The following CASK variants were observed in gnomAD, a reference collection of about 807,000 sequenced individuals.
CASK encodes the protein calcium/calmodulin dependent serine protein kinase.
Under a neutral mutation model 82.9 loss-of-function variants are expected in CASK, and 4 were observed. That is an observed-to-expected ratio of 0.05 (90% confidence interval 0.02 to 0.11). The LOEUF is 0.11. Ranked by LOEUF, CASK falls within the 10% of genes least tolerant of loss-of-function variation. CASK has a pLI of 1.00. For synonymous variants in CASK, 259 were observed against 253.5 expected (o/e 1.02, Z -0.20); for missense variants, 358 against 720.9 (o/e 0.50, Z 5.76).
intron 5 of CASK, among the ~76,000 whole-genome samples, chrX:41,719,714 G>A (rs1216437199): frequency 1.8e-5 from 2 of 111,770 alleles, no homozygotes; most frequent in African/African-American, 3.3e-5. Flanking sequence ...ACGGGACCTC[G>A]CATTCTGTAT....
chrX:41,754,489 G>A (rs2068854745), intron 3 of CASK, among the ~76,000 whole-genome samples: 1 of 111,919 alleles, frequency 8.9e-6, no homozygotes, highest in Non-Finnish European at 1.9e-5. Context: ...AAAGAAATTA[G>A]ATGAAAGGAA....
intron 22 of CASK, among the ~76,000 whole-genome samples, chrX:41,538,684 C>T (rs2064908374): frequency 8.9e-6 from 1 of 112,223 alleles, no homozygotes; most frequent in Non-Finnish European, 1.9e-5. Flanking sequence ...CCAGACACTT[C>T]TTTTAAGTAT....
rs1029992488 is a variant in CASK, at chrX:41,676,359, C to T, written c.430-4829G>A. 6.7e-6 allele frequency: 8 copies of T among 1,197,860 alleles called. No homozygotes were observed. The African/African-American group carries it at 1.0e-4, about 16-fold the overall frequency. The stretch of plus-strand genomic sequence containing the variant: ...GCTCCTAAAACATTTTTATAAGCAA[C>T]TGAGAGAAGATTCCTCTCCTCATTG... On this transcript the variant is annotated intron_variant, in intron 5 of 26. Coordinates refer to ENST00000378163, the MANE Select transcript of CASK (RefSeq NM_001367721.1).
At chrX:41,862,261 C>T (rs867710064) in intron 1 of CASK, among the ~76,000 whole-genome samples, 3 of 110,509 alleles carry the variant, frequency 2.7e-5, no homozygotes, top group African/African-American at 9.9e-5. Context: ...TGGGCCCTGG[C>T]AGGGTGCAGT....
chrX:41,684,092 T>C (rs2067405281), intron 5 of CASK, among the ~76,000 whole-genome samples: 1 of 112,245 alleles, frequency 8.9e-6, no homozygotes, highest in South Asian at 3.7e-4. Context: ...CAGTTTTCAT[T>C]ATCGTAACTG....
intron 12 of CASK, among the ~76,000 whole-genome samples, chrX:41,594,017 T>C (rs1194352429): frequency 8.9e-6 from 1 of 111,739 alleles, no homozygotes. Context: ...CTTGTCTTTC[T>C]TACCCTTTAC....
At chrX:41,553,094 A>G (rs1337544785) in intron 21 of CASK, among the ~76,000 whole-genome samples, 1 of 112,410 alleles carries the variant, frequency 8.9e-6, no homozygotes, top group African/African-American at 3.2e-5. Context: ...AATAGCAGAA[A>G]TAGATTTTAT....
At chrX:41,765,769 GTGAA>G (rs1443500461) in intron 3 of CASK, among the ~76,000 whole-genome samples, 1 of 111,846 alleles carries the variant, frequency 8.9e-6, no homozygotes, top group Non-Finnish European at 1.9e-5. Flanking sequence ...GGGCAAGAAA[GTGAA>G]TGGGGACAGG....
intron 1 of CASK, among the ~76,000 whole-genome samples, chrX:41,863,881 T>C (rs2071540375): frequency 8.9e-6 from 1 of 112,105 alleles, no homozygotes; most frequent in Non-Finnish European, 1.9e-5. Flanking sequence ...AGTCTGAAAT[T>C]ACATTGTAAA....
At chrX:41,776,153 G>A (rs753410246) in intron 3 of CASK, among the ~76,000 whole-genome samples, 32 of 112,309 alleles carry the variant, frequency 2.8e-4, no homozygotes, top group Admixed American at 1.2e-3. Flanking sequence ...ATAATTGTAT[G>A]TGTTATACTT....
At chrX:41,545,941 C>T (rs1334853881) in intron 21 of CASK, among the ~76,000 whole-genome samples, 1 of 109,428 alleles carries the variant, frequency 9.1e-6, no homozygotes, top group Admixed American at 9.8e-5. Context: ...TCCGCCTCAG[C>T]TTCCTAAGTA....
intron 1 of CASK, among the ~76,000 whole-genome samples, chrX:41,890,631 T>G (rs2072147794): frequency 9.0e-6 from 1 of 111,563 alleles, no homozygotes; most frequent in Non-Finnish European, 1.9e-5. Context: ...AGAAAAAGAC[T>G]GATTAGATTT....
intron 15 of CASK, among the ~76,000 whole-genome samples, chrX:41,572,540 A>G (rs1411776056): frequency 9.1e-6 from 1 of 110,302 alleles, no homozygotes; most frequent in Non-Finnish European, 1.9e-5. Flanking sequence ...ATACCACTTC[A>G]CATATAACCC....
At position 41,797,301 on chromosome X, in the gene CASK, C is replaced by T. The variant is rs1386200242; in HGVS notation, c.173-10018G>A. On this transcript the variant is annotated intron_variant, in intron 2 of 26. Transcript: ENST00000378163. ...GTTGTTCCCTCTGTATGATACTCCACGTGCTTCCTTCTCTGCCTGGTAAAC... is the reference window on the plus strand; with the variant it reads ...GTTGTTCCCTCTGTATGATACTCCATGTGCTTCCTTCTCTGCCTGGTAAAC... Among the ~76,000 whole-genome samples the T allele has an allele frequency of 7.3e-5, 8 of 110,110 alleles. No homozygotes were observed. The South Asian group carries it at 1.6e-3, about 22-fold the overall frequency.
chrX:41,821,480 T>C (rs1352997338), intron 2 of CASK, among the ~76,000 whole-genome samples: 1 of 111,901 alleles, frequency 8.9e-6, no homozygotes, highest in Non-Finnish European at 1.9e-5. Context: ...TAACATAAAA[T>C]AGTGCAACCA....
At chrX:41,603,707 C>T (rs991406589) in intron 12 of CASK, among the ~76,000 whole-genome samples, 1 of 111,589 alleles carries the variant, frequency 9.0e-6, no homozygotes, top group Non-Finnish European at 1.9e-5. Flanking sequence ...CAAAAATAAT[C>T]TTAATTAGGT....
intron 16 of CASK, 130 bp downstream of exon 16, chrX:41,569,538 T>C: frequency 4.1e-6 from 2 of 490,825 alleles, no homozygotes; most frequent in Non-Finnish European, 7.1e-6. Context: ...ACTTAGGAGC[T>C]CAAGACCAGT....
intron 3 of CASK, among the ~76,000 whole-genome samples, chrX:41,751,583 G>A (rs1471538363): frequency 9.1e-6 from 1 of 110,034 alleles, no homozygotes; most frequent in Non-Finnish European, 1.9e-5. Flanking sequence ...GGGGTGGGGT[G>A]GTCAGATGGA....
intron 1 of CASK, among the ~76,000 whole-genome samples, chrX:41,864,928 T>A (rs1375169513): frequency 1.8e-5 from 2 of 111,964 alleles, no homozygotes; most frequent in African/African-American, 6.5e-5. Flanking sequence ...AGGTTTTGAA[T>A]CATAATTGTA....
Sources: gnomAD v4.1 joint callset for allele counts (sites outside exome capture counted in the v4.1 genomes callset) on GRCh38, gnomAD v4.1.1 for gene constraint, MANE v1.5 for transcripts, NCBI Gene and HGNC (gene_info 2026-07-23, HGNC 2026-07-21) for gene names.